TULP1: variants seen among roughly 807,000 people sequenced by gnomAD.
TULP1 encodes tubby-related protein 1.
Under a neutral mutation model 67.1 loss-of-function variants are expected in TULP1, and 50 were observed. That is an observed-to-expected ratio of 0.75 (90% CI 0.59 to 0.94). The LOEUF is 0.94. Among genes scored for constraint, TULP1 ranks in the 40% least tolerant of loss-of-function variants. The pLI is 0.00. For synonymous variants in TULP1, 297 were observed against 294.0 expected (o/e 1.01, Z -0.11); for missense variants, 746 against 734.1 (o/e 1.02, Z -0.19).
intron 3 of TULP1, 80 bp downstream of exon 3, chr6:35,512,100 G>A (rs986548828): frequency 2.3e-6 from 2 of 868,236 alleles, no homozygotes; most frequent in Non-Finnish European, 3.1e-6. Flanking sequence ...AGGGCTCGGC[G>A]ACACCCGCGC....
chr6:35,498,995 G>A lies in TULP1; in HGVS notation c.1496-535C>T, dbSNP rs1055576025. The stretch of plus-strand genomic sequence containing the variant: ...TTGCTAAAAATACCCCCAAACTCAG[G>A]TGGACGAGGCTCCACCAGAAACGTG... On this transcript the variant is annotated intron_variant, in intron 14 of 14. Transcript: ENST00000229771. This position sits in a 1 kb window ranked among gnomAD's most constrained non-coding sequence, Gnocchi z 6.7. 6.6e-6 allele frequency among the ~76,000 whole-genome samples: 1 copy of A among 152,078 alleles called. No homozygotes were observed. The highest frequency in any genetic ancestry group is 2.4e-5 in the African/African-American group (1 of 41,398).
rs1768741149 is a variant in TULP1 at position 35,498,141 on chromosome 6, G to A, written c.*186C>T. 3.1e-6 allele frequency: 3 copies of A among 961,094 alleles called. No homozygotes were observed. The East Asian group carries it at 8.0e-5, about 26-fold the overall frequency. 59.5% of individuals were successfully genotyped at this position (961,094 alleles called of 1,614,324 possible). A position where few individuals can be genotyped will look rare whatever the true frequency, so the allele number is the denominator to read the frequency against. On this transcript the variant is annotated 3_prime_UTR_variant, in exon 15 of 15. Coordinates refer to ENST00000229771, the MANE Select transcript of TULP1 (RefSeq NM_003322.6). The surrounding 1 kb of genome is among the most constrained non-coding windows in gnomAD (Gnocchi z 6.7). ...TTCATCTCCGTCCTACCCGCCGTCC[G>A]GGCTCCTCCTGCCTCGGCCTGTGCC...
intron 11 of TULP1, chr6:35,505,474 C>T: frequency 1.1e-6 from 1 of 896,362 alleles, no homozygotes; most frequent in Non-Finnish European, 1.7e-6. Context: ...ATGCCCTGCT[C>T]CAAGTGAGGC....
Position 35,506,100 on chromosome 6 carries a change from T to G in TULP1, c.902A>C (p.Gln301Pro). The G allele has an allele frequency of 1.2e-6, 2 of 1,613,604 alleles. No individual in the cohort carries two copies. Among genetic ancestry groups the G allele is most frequent in the African/African-American group, 1.3e-5 (1 of 75,038 alleles). The change falls in exon 10 of 15, where the codon CAG becomes CCG. Residue 301 changes from glutamine to proline, a missense_variant. Physicochemically the swap from Gln to Pro is moderately conservative, Grantham distance 76. Around this residue, in one of 3 missense-constraint regions of TULP1, gnomAD observed 383 missense variants for 374.1 expected, o/e 1.02. Transcript: ENST00000229771. ...CAGCCGGCAGCGCACCGTGCGGCCC[T>G]GGGGGGCAGGCCGGAGCACAAACTC... ...PREFVLRPAPQGRTVRCRLTR... is the reference protein window; with the variant it reads ...PREFVLRPAPPGRTVRCRLTR...
At position 35,506,148 on chromosome 6, in the gene TULP1, G is replaced by A. The variant is rs752709618; in HGVS notation, c.854C>T (p.Pro285Leu). The A allele has an allele frequency of 1.9e-6, 3 of 1,613,442 alleles. No homozygotes were observed. The highest frequency in any genetic ancestry group is 3.3e-5 in the Admixed American group (2 of 59,994). Residue 285 changes from proline to leucine, a missense_variant, in exon 10 of 15, where the codon CCC (proline) becomes CTC (leucine). By Grantham distance (98) the Pro-to-Leu change is moderately conservative (BLOSUM62 -3). Coordinates refer to ENST00000229771, the MANE Select transcript of TULP1 (RefSeq NM_003322.6). ...CTCCCGGGGTTCGTCCACCTCCACG[G>A]GGGGAGACGGGGCCCTCTCCTCCTT... ...KAKEERAPSP[P>L]VEVDEPREFV... is the part of the protein sequence containing the mutation.
At chr6:35,509,166 CT>C in intron 8 of TULP1, 42 bp downstream of exon 8, 1 of 1,572,774 alleles carries the variant, frequency 6.4e-7, no homozygotes, top group Non-Finnish European at 8.7e-7. Context: ...CCTGCCTCTG[CT>C]CCCTGAAGGG....
chr6:35,506,463 C>T (rs1162448651), intron 8 of TULP1, among the ~76,000 whole-genome samples, 184 bp from the exon 9 acceptor site: 2 of 152,226 alleles, frequency 1.3e-5, no homozygotes, highest in Non-Finnish European at 2.9e-5. Context: ...TGGAGCCAGA[C>T]TGTCTAGGTT....
rs779902591 is a variant in TULP1, at chr6:35,509,298, C to A, written c.733G>T (p.Ala245Ser). Reference protein sequence around the residue: ...ALKKKGTPKGARKEEEEEEEA... With the variant: ...ALKKKGTPKGSRKEEEEEEEA... ...TCCTCCTCTTCTTCCTCCTTCCTCG[C>A]GCCTTTGGGAGTGCCTGAGCGTGGA... is the stretch of plus-strand genomic sequence containing the variant. The change falls in exon 8 of 15, where the codon GCG becomes TCG. Residue 245 changes from alanine to serine, a missense_variant. Physicochemically the swap from Ala to Ser is moderately conservative, Grantham distance 99 (BLOSUM62 1). Around this residue, in one of 3 missense-constraint regions of TULP1, gnomAD observed 359 missense variants for 341.9 expected, o/e 1.05. Transcript: ENST00000229771. 6.8e-6 allele frequency: 11 copies of A among 1,614,064 alleles called. No individual in the cohort carries two copies. Among genetic ancestry groups the A allele is most frequent in the Admixed American group, 1.7e-5 (1 of 60,006 alleles).
chr6:35,501,384 C>T (rs1332982740), intron 13 of TULP1, among the ~76,000 whole-genome samples: 1 of 151,602 alleles, frequency 6.6e-6, no homozygotes, highest in East Asian at 1.9e-4. Context: ...GTCTCAGCTA[C>T]ATGAGAGGCT....
intron 8 of TULP1, among the ~76,000 whole-genome samples, chr6:35,506,804 C>G (rs994414653): frequency 2.0e-5 from 3 of 152,144 alleles, no homozygotes. Flanking sequence ...TGTCCAATCT[C>G]CTATGAGGTC....
rs777719248 is a variant in TULP1, at chr6:35,500,117, C to A, written c.1359G>T (p.Lys453Asn). 6.2e-7 allele frequency: 1 copy of A among 1,614,176 alleles called. No homozygotes were observed. Among genetic ancestry groups the A allele is most frequent in the Non-Finnish European group, 8.5e-7 (1 of 1,180,036 alleles). ...SDGLLVRWQNKTLESLIELHN... is the reference protein window; with the variant it reads ...SDGLLVRWQNNTLESLIELHN... Reference sequence around the variant, plus strand: ...GCAGTTCTATGAGGCTCTCCAGCGTCTTGTTCTGCCAGCGCACCAGCAGGC... The same window carrying A: ...GCAGTTCTATGAGGCTCTCCAGCGTATTGTTCTGCCAGCGCACCAGCAGGC... The change falls in exon 14 of 15, where the codon AAG (lysine) becomes AAT (asparagine). Residue 453 changes from lysine (K) to asparagine (N), a missense_variant. Around this residue, in one of 3 missense-constraint regions of TULP1, gnomAD observed 383 missense variants for 374.1 expected, o/e 1.02. Transcript: ENST00000229771.
At chr6:35,500,266 A>G (rs1768811590) in intron 13 of TULP1, 114 bp from the exon 14 acceptor site, 7 of 1,101,412 alleles carry the variant, frequency 6.4e-6, no homozygotes, top group Non-Finnish European at 9.6e-6. Flanking sequence ...TGGCCTGGAC[A>G]TCTTCATCCA....
Position 35,499,834 on chromosome 6 carries a change from T to C in TULP1, c.1495+147A>G, listed in dbSNP as rs1234351301. 3.1e-5 allele frequency: 31 copies of C among 990,282 alleles called. No homozygotes were observed. In the East Asian group the frequency reaches 6.9e-4, roughly 22 times the overall value. The allele number at this position is 990,282 out of a possible 1,614,324, so 61.3% of individuals were successfully genotyped here. A position where few individuals can be genotyped will look rare whatever the true frequency, so the allele number is the denominator to read the frequency against. On this transcript the variant is annotated intron_variant, in intron 14 of 14. Coordinates refer to ENST00000229771, the MANE Select transcript of TULP1 (RefSeq NM_003322.6). ...CCTGAGAGCACAGTGTCAGTGCCTA[T>C]GGAGGAGAGAGTGACCCTGTGGGAT...
intron 13 of TULP1, among the ~76,000 whole-genome samples, chr6:35,500,810 G>A (rs1581736537): frequency 2.0e-5 from 3 of 152,084 alleles, no homozygotes; most frequent in South Asian, 4.1e-4. Flanking sequence ...ACAGCACCAG[G>A]CATTTCTTAC....
At chr6:35,512,342 T>A in intron 2 of TULP1, 72 bp from the exon 3 acceptor site, 1 of 819,020 alleles carries the variant, frequency 1.2e-6, no homozygotes, top group South Asian at 2.0e-5. Flanking sequence ...CCCCCTCTAA[T>A]CCCTTGAGCC....
intron 2 of TULP1, 81 bp downstream of exon 2, chr6:35,512,558 C>G: frequency 6.3e-7 from 1 of 1,589,476 alleles, no homozygotes; most frequent in Non-Finnish European, 8.6e-7. Flanking sequence ...GGACCTGTCC[C>G]ACCCCTAGAC....
intron 10 of TULP1, 41 bp from the exon 11 acceptor site, chr6:35,505,894 G>C (rs375783385): frequency 2.5e-6 from 4 of 1,614,210 alleles, no homozygotes; most frequent in Non-Finnish European, 3.4e-6. Context: ...GGGAAGAGAA[G>C]GTGGGAAGGG....
chr6:35,503,567 G>T lies in TULP1; in HGVS notation c.1315C>A (p.Pro439Thr), dbSNP rs1305801234. ...GGAGGTGCGGGGCTCACATTTCGGG[G>T]CCGGATGGGGACCCTCTCGTTCTCC... The part of the protein sequence containing the change: ...SAENERVPIR[P>T]RNASDGLLVR... The change falls in exon 13 of 15, where the codon CCC becomes ACC. Residue 439 changes from proline to threonine, a missense_variant. Pro to Thr is a conservative substitution (Grantham distance 38). Transcript: ENST00000229771. The surrounding 1 kb of genome is among the most constrained non-coding windows in gnomAD (Gnocchi z 4.0). The T allele has an allele frequency of 6.4e-7, 1 of 1,571,998 alleles. No individual in the cohort carries two copies. Among genetic ancestry groups the T allele is most frequent in the Non-Finnish European group, 8.6e-7 (1 of 1,158,614 alleles).
At position 35,503,042 on chromosome 6, in the gene TULP1, A is replaced by G. The variant is rs377182655; in HGVS notation, c.1323+517T>C. Among the ~76,000 whole-genome samples the G allele has an allele frequency of 3.3e-5, 5 of 152,026 alleles. No individual in the cohort carries two copies. The South Asian group carries it at 1.0e-3, about 32-fold the overall frequency. On this transcript the variant is annotated intron_variant, in intron 13 of 14. Coordinates refer to ENST00000229771, the MANE Select transcript of TULP1 (RefSeq NM_003322.6). The surrounding 1 kb of genome is among the most constrained non-coding windows in gnomAD (Gnocchi z 4.0). Reference sequence around the variant, plus strand: ...AAGCTCCGCCTCCCAGGTTCACGCCATTCTCCTGCCTCAGCCTCCCAAGTA... The same window carrying G: ...AAGCTCCGCCTCCCAGGTTCACGCCGTTCTCCTGCCTCAGCCTCCCAAGTA...
Sources: gnomAD v4.1 joint callset for allele counts (sites outside exome capture counted in the v4.1 genomes callset) on GRCh38, gnomAD v4.1.1 for gene constraint, gnomAD v4.1.1 regional missense constraint, Gnocchi (gnomAD v3.1) non-coding constraint, MANE v1.5 for transcripts, NCBI Gene and HGNC (gene_info 2026-07-23, HGNC 2026-07-21) for gene names.